FEZ1: variants seen among roughly 807,000 people sequenced by gnomAD.
FEZ1 encodes fasciculation and elongation protein zeta 1, also known as fasciculation and elongation protein zeta-1.
A neutral mutation model predicts 49.3 loss-of-function variants in FEZ1; 20 were observed. The observed-to-expected ratio is 0.41, with a 90% CI of 0.29 to 0.59. The LOEUF (loss-of-function observed/expected upper bound fraction) is 0.59, where lower values mean the gene tolerates loss of function less well. Among genes scored for constraint, FEZ1 ranks in the 20% least tolerant of loss-of-function variants. The pLI is 0.36. For missense variants in FEZ1, 413 were observed against 476.0 expected, an observed-to-expected ratio of 0.87 and a Z score of 1.23; for synonymous variants, 170 against 180.9, an observed-to-expected ratio of 0.94 and a Z score of 0.48.
rs1045238282 is a variant in FEZ1, at chr11:125,489,962, C to T, written c.-45-140G>A. On this transcript the variant is annotated intron_variant, in intron 1 of 9. Transcript: ENST00000278919. The surrounding 1 kb of genome is among the most constrained non-coding windows in gnomAD (Gnocchi z 4.2). The stretch of plus-strand genomic sequence containing the variant: ...TAAGTACGAAGCTCCTGGACAAGAT[C>T]GTCTAGGTTTGCATTCTGTTCTGTC... 30 of 702,082 alleles carry T rather than the reference C, an allele frequency of 4.3e-5. No homozygotes were observed. Among genetic ancestry groups the T allele is most frequent in the Non-Finnish European group, 6.4e-5 (30 of 469,690 alleles). 43.5% of individuals were successfully genotyped at this position (702,082 alleles called of 1,614,324 possible).
intron 7 of FEZ1, 107 bp downstream of exon 7, chr11:125,454,021 TAA>T: frequency 1.7e-6 from 1 of 584,716 alleles, no homozygotes; most frequent in Non-Finnish European, 2.9e-6. Flanking sequence ...CCTAACCCCC[TAA>T]ATAAATGCTG....
At chr11:125,487,574 CTGTT>C (rs1251148780) in intron 2 of FEZ1, among the ~76,000 whole-genome samples, 1 of 152,166 alleles carries the variant, frequency 6.6e-6, no homozygotes, top group African/African-American at 2.4e-5. Flanking sequence ...TAAAAAGAAT[CTGTT>C]TGAAACTTAA....
In FEZ1 at chr11:125,460,597, C is replaced by G. The variant is rs757688883; in HGVS notation, c.568G>C (p.Glu190Gln). 6.2e-7 allele frequency: 1 copy of G among 1,614,132 alleles called. No homozygotes were observed. Residue 190 changes from glutamate to glutamine, a missense_variant, in exon 5 of 10, where the codon GAA (glutamate) becomes CAA (glutamine). Glu to Gln is a conservative substitution (Grantham distance 29). Transcript: ENST00000278919. ...DPEEEEEVLE[E>Q]EDGGETSSQA... ...GAGGAAGTTTCTCCTCCATCCTCTT[C>G]TTCCAGAACCTCCTCTTCTTCCTCA...
intron 2 of FEZ1, among the ~76,000 whole-genome samples, chr11:125,484,546 TAA>T (rs1443095438): frequency 6.6e-6 from 1 of 152,026 alleles, no homozygotes; most frequent in African/African-American, 2.4e-5. Flanking sequence ...CCCACACCTG[TAA>T]TCTCAGCTAC....
In FEZ1 at chr11:125,443,078, T is replaced by C. The variant is rs1956870271; in HGVS notation, c.*3017A>G. Among the ~76,000 whole-genome samples, 1 of 152,142 alleles carries C rather than the reference T, an allele frequency of 6.6e-6. No homozygotes were observed. Among genetic ancestry groups the C allele is most frequent in the African/African-American group, 2.4e-5 (1 of 41,432 alleles). On this transcript the variant is annotated 3_prime_UTR_variant, in exon 10 of 10. Transcript: ENST00000278919. ...TACCAGAACTTGACCAGACTAGGCC[T>C]AGCAAAATCCTTTAATTGATGGAAA...
At position 125,489,343 on chromosome 11, in the gene FEZ1, G is replaced by A. The variant is rs191440654; in HGVS notation, c.311+124C>T. The A allele has an allele frequency of 4.6e-5, 67 of 1,468,194 alleles. No homozygotes were observed. In the South Asian group the frequency reaches 8.3e-4, roughly 18 times the overall value. The allele number at this position is 1,468,194 out of a possible 1,614,324, so 90.9% of individuals were successfully genotyped here. ...ACAGCAAGTACCAGGGCACTGCTCC[G>A]CTGGCAACACGAAAATGAAAGTAAT... On this transcript the variant is annotated intron_variant, in intron 2 of 9. Coordinates refer to ENST00000278919, the MANE Select transcript of FEZ1 (RefSeq NM_005103.5). The surrounding 1 kb of genome is among the most constrained non-coding windows in gnomAD (Gnocchi z 4.2).
At chr11:125,493,366 G>GAAAGAGAGA (rs1957404660) in intron 1 of FEZ1, among the ~76,000 whole-genome samples, 1 of 21,792 alleles carries the variant, frequency 4.6e-5, no homozygotes, top group Non-Finnish European at 9.1e-5. Flanking sequence ...AGAGAGAAAA[G>GAAAGAGAGA]AAAGAAAGAA....
chr11:125,463,657 T>G, intron 3 of FEZ1, 87 bp from the exon 4 acceptor site: 1 of 798,112 alleles, frequency 1.3e-6, no homozygotes, highest in African/African-American at 1.7e-5. Context: ...TGATACTGAC[T>G]GGGAGGCCAC....
In FEZ1 at chr11:125,444,526, G is replaced by C. The variant is rs937928990; in HGVS notation, c.*1569C>G. ...CTTGAACGTGGGAGGCGGAGTTTGCGGCGAGCTGAGATAGCGCCATTGTAC... is the reference window on the plus strand; with the variant it reads ...CTTGAACGTGGGAGGCGGAGTTTGCCGCGAGCTGAGATAGCGCCATTGTAC... On this transcript the variant is annotated 3_prime_UTR_variant, in exon 10 of 10. Transcript: ENST00000278919. Among the ~76,000 whole-genome samples, 1 of 152,006 alleles carries C rather than the reference G, an allele frequency of 6.6e-6. No homozygotes were observed. The highest frequency in any genetic ancestry group is 1.5e-5 in the Non-Finnish European group (1 of 67,978).
At position 125,445,985 on chromosome 11, in the gene FEZ1, C is replaced by T. The variant is rs1956894888; in HGVS notation, c.*110G>A. On this transcript the variant is annotated 3_prime_UTR_variant, in exon 10 of 10. Coordinates refer to ENST00000278919, the MANE Select transcript of FEZ1 (RefSeq NM_005103.5). This position sits in a 1 kb window ranked among gnomAD's most constrained non-coding sequence, Gnocchi z 4.4. ...TTGCTCGTGTTTAATCCAGGTTAAG[C>T]TATACACGTTTAAATACATGTCGGA... 1.8e-6 allele frequency: 2 copies of T among 1,120,864 alleles called. No homozygotes were observed. The highest frequency in any genetic ancestry group is 2.5e-5 in the South Asian group (2 of 80,652). 69.4% of individuals were successfully genotyped at this position (1,120,864 alleles called of 1,614,324 possible).
chr11:125,481,896 A>C, intron 2 of FEZ1: 1 of 496,508 alleles, frequency 2.0e-6, no homozygotes, highest in East Asian at 3.1e-5. Context: ...TGAGATACAA[A>C]TGGCAGCATC....
chr11:125,480,275 G>C (rs1277238352), intron 3 of FEZ1, among the ~76,000 whole-genome samples: 3 of 152,058 alleles, frequency 2.0e-5, no homozygotes, highest in East Asian at 1.9e-4. Flanking sequence ...ACTCGGGGAG[G>C]GGGTGGTGGG....
chr11:125,457,647 G>A (rs1957031765), intron 5 of FEZ1, among the ~76,000 whole-genome samples: 1 of 151,318 alleles, frequency 6.6e-6, no homozygotes, highest in Non-Finnish European at 1.5e-5. Flanking sequence ...AATTTTTGTG[G>A]GTACATAGGG....
intron 1 of FEZ1, among the ~76,000 whole-genome samples, chr11:125,493,368 A>G (rs1456852991): frequency 0.097 from 3,536 of 36,538 alleles, 83 homozygotes; most frequent in Non-Finnish European, 0.11. Context: ...AGAGAAAAGA[A>G]AGAAAGAAAG....
At chr11:125,478,741 C>T (rs186698377) in intron 3 of FEZ1, among the ~76,000 whole-genome samples, 1 of 152,194 alleles carries the variant, frequency 6.6e-6, no homozygotes, top group Non-Finnish European at 1.5e-5. Context: ...CTACAAGGAA[C>T]AGAGCTCAAG....
intron 1 of FEZ1, among the ~76,000 whole-genome samples, chr11:125,493,420 A>AAGAG (rs199545802): frequency 2.5e-5 from 1 of 39,822 alleles, no homozygotes; most frequent in African/African-American, 1.4e-4. Context: ...GAAAGAAAGA[A>AAGAG]AGAAGGAAAG....
rs537679911 is a variant in FEZ1, at chr11:125,444,048, A to G, written c.*2047T>C. 6.6e-5 allele frequency among the ~76,000 whole-genome samples: 10 copies of G among 152,290 alleles called. No individual in the cohort carries two copies. The highest frequency in any genetic ancestry group is 1.9e-4 in the African/African-American group (8 of 41,548). ...GAGTGCTAAACATGCTAATGACCTC[A>G]CACCACTAATGACCCTGGGCATGTT... On this transcript the variant is annotated 3_prime_UTR_variant, in exon 10 of 10. Coordinates refer to ENST00000278919, the MANE Select transcript of FEZ1 (RefSeq NM_005103.5).
chr11:125,473,302 A>G (rs1313927853), intron 3 of FEZ1, among the ~76,000 whole-genome samples: 1 of 152,234 alleles, frequency 6.6e-6, no homozygotes, highest in Non-Finnish European at 1.5e-5. Flanking sequence ...GGGAAGGAAT[A>G]AGATTTTCAA....
Position 125,444,410 on chromosome 11 carries a change from A to C in FEZ1, c.*1685T>G, listed in dbSNP as rs1956879616. On this transcript the variant is annotated 3_prime_UTR_variant, in exon 10 of 10. Transcript: ENST00000278919. ...AGACCAACCTGACCAACATGTAGAAACCTGGTCTCTACTAAAAATATAAAA... is the reference window on the plus strand; with the variant it reads ...AGACCAACCTGACCAACATGTAGAACCCTGGTCTCTACTAAAAATATAAAA... Among the ~76,000 whole-genome samples the C allele has an allele frequency of 6.6e-6, 1 of 152,112 alleles. No homozygotes were observed. The highest frequency in any genetic ancestry group is 2.4e-5 in the African/African-American group (1 of 41,412).
Sources: gnomAD v4.1 joint callset for allele counts (sites outside exome capture counted in the v4.1 genomes callset) on GRCh38, gnomAD v4.1.1 for gene constraint, Gnocchi (gnomAD v3.1) non-coding constraint, MANE v1.5 for transcripts, NCBI Gene and HGNC (gene_info 2026-07-23, HGNC 2026-07-21) for gene names.